The following COL25A1 variants were observed in gnomAD, a reference collection of about 807,000 sequenced individuals.
The protein encoded by COL25A1 is collagen alpha-1(XXV) chain.
COL25A1 carries 103 observed loss-of-function variants against 128.4 expected under a neutral mutation model. That is an observed-to-expected ratio of 0.80 (90% CI 0.68 to 0.94). COL25A1 has a LOEUF of 0.94. COL25A1 is among the 40% of genes least tolerant of loss of function. The probability of loss-of-function intolerance (pLI) is 0.00; values close to 1 mark genes in which losing one functional copy is unlikely to be tolerated. For synonymous variants in COL25A1, 279 were observed against 277.2 expected, an observed-to-expected ratio of 1.01 and a Z score of -0.06; for missense variants, 745 against 840.0, an observed-to-expected ratio of 0.89 and a Z score of 1.40.
At chr4:109,023,548 G>T (rs1475787746) in intron 5 of COL25A1, among the ~76,000 whole-genome samples, 1 of 152,176 alleles carries the variant, frequency 6.6e-6, no homozygotes, top group Non-Finnish European at 1.5e-5. Flanking sequence ...TTTCCAACGA[G>T]GAGCTAATTG....
chr4:109,140,022 A>G (rs1359633808), intron 3 of COL25A1, among the ~76,000 whole-genome samples: 5 of 152,188 alleles, frequency 3.3e-5, no homozygotes, highest in African/African-American at 4.8e-5. Flanking sequence ...TTATGGTTGC[A>G]TAGTATTCCA....
At chr4:108,984,837 G>A (rs143731173) in intron 6 of COL25A1, among the ~76,000 whole-genome samples, 2 of 152,238 alleles carry the variant, frequency 1.3e-5, no homozygotes, top group Admixed American at 6.5e-5. Context: ...CTCAAGTGCC[G>A]CCAAAGTGGG....
intron 13 of COL25A1, among the ~76,000 whole-genome samples, chr4:108,903,444 A>G (rs979556970): frequency 3.9e-5 from 6 of 152,168 alleles, no homozygotes; most frequent in Non-Finnish European, 7.4e-5. Flanking sequence ...TGTCTTGTGA[A>G]TAGTTTAATC....
chr4:109,296,250 G>A (rs945826824), intron 3 of COL25A1, among the ~76,000 whole-genome samples: 10 of 151,748 alleles, frequency 6.6e-5, no homozygotes, highest in East Asian at 1.9e-4. Flanking sequence ...TATTTTCATC[G>A]GAAACCAGAT....
At chr4:109,206,296 T>C (rs906663121) in intron 3 of COL25A1, among the ~76,000 whole-genome samples, 1 of 152,160 alleles carries the variant, frequency 6.6e-6, no homozygotes, top group Non-Finnish European at 1.5e-5. Context: ...AAACATTCTG[T>C]GGCTCTCAGG....
chr4:109,210,214 T>C (rs1475258192), intron 3 of COL25A1, among the ~76,000 whole-genome samples: 2 of 152,110 alleles, frequency 1.3e-5, no homozygotes, highest in East Asian at 1.9e-4. Flanking sequence ...AGGCTCCTAC[T>C]AGTATCAAAA....
At chr4:109,220,442 A>C (rs1236712884) in intron 3 of COL25A1, among the ~76,000 whole-genome samples, 5 of 152,190 alleles carry the variant, frequency 3.3e-5, no homozygotes, top group Admixed American at 3.3e-4. Context: ...ACTATCCAAA[A>C]GGTTTTACAC....
intron 3 of COL25A1, among the ~76,000 whole-genome samples, chr4:109,079,273 C>G (rs1417796991): frequency 6.6e-6 from 1 of 152,184 alleles, no homozygotes; most frequent in African/African-American, 2.4e-5. Flanking sequence ...TCCAGCTGGA[C>G]AGCTGAATGC....
chr4:109,258,124 A>T (rs576374531), intron 3 of COL25A1, among the ~76,000 whole-genome samples: 51 of 152,272 alleles, frequency 3.3e-4, no homozygotes, highest in African/African-American at 1.2e-3. Flanking sequence ...TCTCAGACTC[A>T]TCATTTCACA....
intron 6 of COL25A1, among the ~76,000 whole-genome samples, chr4:109,007,024 C>CA (rs1756083910): frequency 1.3e-5 from 2 of 152,090 alleles, no homozygotes; most frequent in Non-Finnish European, 2.9e-5. Context: ...ACCTGTGTAA[C>CA]AAACCTGCAC....
chr4:109,043,386 T>C lies in COL25A1; in HGVS notation c.420+4782A>G, dbSNP rs1019887395. Among the ~76,000 whole-genome samples the C allele has an allele frequency of 2.0e-5, 3 of 152,230 alleles. No homozygotes were observed. In the South Asian group the frequency reaches 6.2e-4, roughly 32 times the overall value. ...ATTGTAAGCTTAACTTGGCCAAGTC[T>C]GCTTCATTCATCTGTCAACAAGATT... On this transcript the variant is annotated intron_variant, in intron 5 of 37. Transcript: ENST00000399132.
intron 3 of COL25A1, among the ~76,000 whole-genome samples, chr4:109,137,663 G>T (rs1769927195): frequency 6.6e-6 from 1 of 152,150 alleles, no homozygotes; most frequent in Non-Finnish European, 1.5e-5. Flanking sequence ...AATATAAGCT[G>T]CTATACAAAT....
At chr4:109,169,359 C>T (rs930769052) in intron 3 of COL25A1, among the ~76,000 whole-genome samples, 3 of 152,134 alleles carry the variant, frequency 2.0e-5, no homozygotes, top group African/African-American at 4.8e-5. Context: ...ATTTGTTCAT[C>T]GGTGTTATGA....
chr4:108,960,238 G>A (rs9307325), intron 8 of COL25A1, among the ~76,000 whole-genome samples: 46,140 of 151,894 alleles, frequency 0.3, 7,580 homozygotes, highest in South Asian at 0.46. Flanking sequence ...AGATTGTTCA[G>A]AGACAACATA....
At chr4:109,148,105 A>G (rs1382791043) in intron 3 of COL25A1, among the ~76,000 whole-genome samples, 1 of 152,170 alleles carries the variant, frequency 6.6e-6, no homozygotes, top group Non-Finnish European at 1.5e-5. Flanking sequence ...AGAAAGTACC[A>G]ATAAGTATAA....
chr4:109,047,427 T>C (rs975082183), intron 5 of COL25A1, among the ~76,000 whole-genome samples: 3 of 151,942 alleles, frequency 2.0e-5, no homozygotes, highest in African/African-American at 7.3e-5. Context: ...AGCTAAGCTA[T>C]GAGGATGCAA....
intron 6 of COL25A1, among the ~76,000 whole-genome samples, chr4:108,984,836 C>T (rs949242111): frequency 3.3e-5 from 5 of 152,224 alleles, no homozygotes; most frequent in African/African-American, 1.2e-4. Context: ...CCTCAAGTGC[C>T]GCCAAAGTGG....
chr4:108,832,033 C>A (rs1733185776), intron 32 of COL25A1, among the ~76,000 whole-genome samples: 1 of 146,266 alleles, frequency 6.8e-6, no homozygotes, highest in Admixed American at 6.8e-5. Context: ...AGATTATCAA[C>A]CAGAATACAT....
chr4:108,919,908 G>A (rs1471827952), intron 12 of COL25A1, among the ~76,000 whole-genome samples: 4 of 151,964 alleles, frequency 2.6e-5, no homozygotes, highest in Non-Finnish European at 4.4e-5. Flanking sequence ...GACTACAGGC[G>A]TGTGCCACCA....
Sources: allele counts gnomAD v4.1 joint callset (sites outside exome capture counted in the v4.1 genomes callset), GRCh38; gene constraint gnomAD v4.1.1; transcripts MANE v1.5; gene names NCBI Gene and HGNC (gene_info 2026-07-23, HGNC 2026-07-21).